INO80: variants seen among roughly 807,000 people sequenced by gnomAD.
INO80 encodes INO80 complex ATPase subunit, also known as chromatin-remodeling ATPase INO80.
A neutral mutation model predicts 203.4 loss-of-function variants in INO80; 20 were observed. The observed-to-expected ratio is 0.10, with a 90% confidence interval of 0.07 to 0.14. INO80 has a LOEUF of 0.14. Among genes scored for constraint, INO80 ranks in the 10% least tolerant of loss-of-function variants. INO80 has a pLI of 1.00. For synonymous variants in INO80, 726 were observed against 685.2 expected (o/e 1.06, Z -0.93); for missense variants, 1,419 against 1,914.4 (o/e 0.74, Z 4.83).
At chr15:41,106,069 G>T (rs1566951549) in intron 1 of INO80, among the ~76,000 whole-genome samples, 1 of 152,060 alleles carries the variant, frequency 6.6e-6, no homozygotes, top group Non-Finnish European at 1.5e-5. Context: ...ACCAGCCTGG[G>T]TAACATAGGG....
chr15:41,099,266 A>AAAAAAC (rs1412468777), intron 1 of INO80, among the ~76,000 whole-genome samples: 5 of 122,120 alleles, frequency 4.1e-5, no homozygotes, highest in African/African-American at 1.6e-4. Flanking sequence ...AAAAAAAAAA[A>AAAAAAC]ACAAACACAC....
chr15:41,035,029 C>G (rs2044547582), intron 24 of INO80, among the ~76,000 whole-genome samples: 1 of 152,160 alleles, frequency 6.6e-6, no homozygotes, highest in Admixed American at 6.5e-5. Flanking sequence ...GAAAATGAAA[C>G]CTCGTTATTA....
intron 19 of INO80, among the ~76,000 whole-genome samples, chr15:41,051,919 C>T (rs942613621): frequency 6.6e-6 from 1 of 152,028 alleles, no homozygotes; most frequent in Non-Finnish European, 1.5e-5. Flanking sequence ...GATCGCGCCA[C>T]TGCACTCCAG....
chr15:41,085,890 C>T (rs540134041), intron 6 of INO80, among the ~76,000 whole-genome samples: 19 of 152,176 alleles, frequency 1.2e-4, no homozygotes, highest in Non-Finnish European at 2.8e-4. Flanking sequence ...GACGGAGCCT[C>T]GCCCTGTCGC....
intron 14 of INO80, among the ~76,000 whole-genome samples, chr15:41,067,792 T>C (rs1363944754): frequency 2.6e-5 from 4 of 152,218 alleles, no homozygotes; most frequent in Non-Finnish European, 5.9e-5. Flanking sequence ...CATGTCAACA[T>C]ATTTTGATAT....
At chr15:41,083,613 C>G (rs138998608) in intron 7 of INO80, among the ~76,000 whole-genome samples, 1 of 147,080 alleles carries the variant, frequency 6.8e-6, no homozygotes, top group East Asian at 2.0e-4. Flanking sequence ...ACTTGGGAGG[C>G]AGAAGTGGGA....
chr15:41,092,159 G>C lies in INO80; in HGVS notation c.405C>G (p.Ser135=), dbSNP rs1401125180. The change falls in exon 5 of 36, where the codon TCC becomes TCG. Residue 135 remains serine, a synonymous_variant. Transcript: ENST00000648947. The part of the protein sequence containing the change: ...WLKSILLSDE[S]SEADSQSEDD... Reference sequence around the variant, plus strand: ...CTTCACTCTGAGAATCAGCCTCGCTGGATTCATCACTTAGCAGAATGCTCT... The same window carrying C: ...CTTCACTCTGAGAATCAGCCTCGCTCGATTCATCACTTAGCAGAATGCTCT... 2.5e-6 allele frequency: 4 copies of C among 1,606,802 alleles called. No individual in the cohort carries two copies. The highest frequency in any genetic ancestry group is 3.4e-6 in the Non-Finnish European group (4 of 1,174,198).
intron 14 of INO80, among the ~76,000 whole-genome samples, chr15:41,061,127 T>C (rs1488781993): frequency 3.3e-5 from 5 of 151,752 alleles, no homozygotes; most frequent in African/African-American, 9.7e-5. Context: ...GGCAACATGG[T>C]GAAACTCTCT....
chr15:41,089,523 G>A (rs1418530031), intron 5 of INO80, among the ~76,000 whole-genome samples: 6 of 152,222 alleles, frequency 3.9e-5, no homozygotes, highest in Non-Finnish European at 7.4e-5. Flanking sequence ...AGGCCGAGGC[G>A]GGTGGATCAC....
intron 24 of INO80, among the ~76,000 whole-genome samples, chr15:41,041,369 G>C (rs2140511042): frequency 6.6e-6 from 1 of 152,006 alleles, no homozygotes; most frequent in South Asian, 2.1e-4. Flanking sequence ...GGAATTACGG[G>C]AATGAGCCAC....
chr15:40,985,617 C>T (rs1055303744), intron 31 of INO80, among the ~76,000 whole-genome samples, 191 bp from the exon 32 acceptor site: 4 of 152,064 alleles, frequency 2.6e-5, no homozygotes, highest in Non-Finnish European at 5.9e-5. Flanking sequence ...TTATTTTAAG[C>T]ATTATGGGCT....
At chr15:40,994,062 T>C (rs1032140305) in intron 29 of INO80, among the ~76,000 whole-genome samples, 2 of 152,212 alleles carry the variant, frequency 1.3e-5, no homozygotes, top group East Asian at 1.9e-4. Context: ...GCTTCTGCAA[T>C]AGCCATCTCA....
At chr15:41,047,379 T>G (rs773879910) in intron 23 of INO80, 29 bp downstream of exon 23, 1 of 1,462,354 alleles carries the variant, frequency 6.8e-7, no homozygotes, top group East Asian at 2.3e-5. Flanking sequence ...CTAACTGGCC[T>G]CTTATCAAGC....
intron 28 of INO80, chr15:41,005,254 G>A: frequency 5.2e-6 from 1 of 191,240 alleles, no homozygotes; most frequent in Non-Finnish European, 1.1e-5. Context: ...AGGAATACAG[G>A]CTGGTGGATT....
chr15:41,025,401 C>T (rs189522041), intron 25 of INO80, among the ~76,000 whole-genome samples: 1 of 152,236 alleles, frequency 6.6e-6, no homozygotes. Context: ...CAAGAGAGCT[C>T]ATCTTTATTG....
Position 40,984,312 on chromosome 15 carries a change from T to C in INO80, c.3962A>G (p.Glu1321Gly), listed in dbSNP as rs1893941829. The C allele has an allele frequency of 6.2e-7, 1 of 1,614,068 alleles. No homozygotes were observed. The highest frequency in any genetic ancestry group is 1.7e-5 in the Admixed American group (1 of 59,994). ...EDELDGKRRK[E>G]GVNLVIPFVP... ...AAATGGGATCACCAGGTTCACACCCTCTTTTCTCCTTTTCCCATCCAATTC... is the reference window on the plus strand; with the variant it reads ...AAATGGGATCACCAGGTTCACACCCCCTTTTCTCCTTTTCCCATCCAATTC... Residue 1321 changes from glutamate to glycine, a missense_variant, in exon 33 of 36, where the codon GAG becomes GGG. Glu to Gly is a moderately conservative substitution (Grantham distance 98). Transcript: ENST00000648947.
At chr15:40,991,271 A>T (rs1260202573) in intron 29 of INO80, among the ~76,000 whole-genome samples, 2 of 152,212 alleles carry the variant, frequency 1.3e-5, no homozygotes, top group Non-Finnish European at 2.9e-5. Context: ...AAAACAGAAA[A>T]AAATAGGATT....
At chr15:41,048,426 AT>A (rs2044805865) in intron 21 of INO80, 150 bp from the exon 22 acceptor site, 1 of 604,042 alleles carries the variant, frequency 1.7e-6, no homozygotes, top group Non-Finnish European at 3.0e-6. Context: ...GGCAAAAATC[AT>A]AGCATACATT....
intron 30 of INO80, among the ~76,000 whole-genome samples, chr15:40,987,508 T>C (rs1313604223): frequency 6.6e-6 from 1 of 152,138 alleles, no homozygotes; most frequent in Admixed American, 6.5e-5. Context: ...AGTACTAGGA[T>C]AGGAACTAAA....
Sources: gnomAD v4.1 joint callset for allele counts (sites outside exome capture counted in the v4.1 genomes callset) on GRCh38, gnomAD v4.1.1 for gene constraint, MANE v1.5 for transcripts, NCBI Gene and HGNC (gene_info 2026-07-23, HGNC 2026-07-21) for gene names.